The following CUBN variants were observed in gnomAD, a reference collection of about 807,000 sequenced individuals.
CUBN encodes the protein 460 kDa receptor.
In CUBN, 282 loss-of-function variants were observed where a neutral mutation model predicts 405.3. The observed-to-expected ratio is 0.70, with a 90% CI of 0.63 to 0.77. The LOEUF is 0.77. Ranked by LOEUF, CUBN falls within the 30% of genes least tolerant of loss-of-function variation. CUBN has a pLI of 0.00. For synonymous variants in CUBN, 1,684 were observed against 1,617.0 expected (o/e 1.04, Z -0.99); for missense variants, 4,514 against 4,475.2 (o/e 1.01, Z -0.25).
chr10:17,012,265 A>G (rs550014850), intron 28 of CUBN, among the ~76,000 whole-genome samples: 9 of 152,332 alleles, frequency 5.9e-5, no homozygotes, highest in African/African-American at 1.9e-4. Flanking sequence ...AAAGGGGAGA[A>G]GCCATATTGC....
intron 57 of CUBN, among the ~76,000 whole-genome samples, chr10:16,875,454 T>G (rs1400426626): frequency 6.6e-6 from 1 of 152,198 alleles, no homozygotes. Context: ...CCACTTTACA[T>G]CCTCAGAAAT....
Position 17,087,466 on chromosome 10 carries a change from C to CTTTTTTTTTTTTTTT in CUBN, c.1947+697_1947+698insAAAAAAAAAAAAAAA, listed in dbSNP as rs879308596. Among the ~76,000 whole-genome samples, 14 of 79,786 alleles carry CTTTTTTTTTTTTTTT rather than the reference C, an allele frequency of 1.8e-4. 1 individual carries two copies. Among genetic ancestry groups the CTTTTTTTTTTTTTTT allele is most frequent in the South Asian group, 4.4e-4 (1 of 2,268 alleles). 52.3% of individuals were successfully genotyped at this position (79,786 alleles called of 152,430 possible). A position where few individuals can be genotyped will look rare whatever the true frequency, so the allele number is the denominator to read the frequency against. On this transcript the variant is annotated intron_variant, in intron 15 of 66. Coordinates refer to ENST00000377833, the MANE Select transcript of CUBN (RefSeq NM_001081.4). ...GTTCAACACAATCACTATTATTTTT[C>CTTTTTTTTTTTTTTT]TTTTTCTTTTTTTTTTTTTTTTTTT...
chr10:16,952,321 G>A lies in CUBN; in HGVS notation c.4924C>T (p.Pro1642Ser), dbSNP rs1205591222. The A allele has an allele frequency of 1.1e-5, 18 of 1,613,856 alleles. No homozygotes were observed. Among genetic ancestry groups the A allele is most frequent in the Non-Finnish European group, 1.4e-5 (16 of 1,179,920 alleles). The change falls in exon 33 of 67, where the codon CCA becomes TCA. Residue 1642 changes from proline to serine, a missense_variant. Pro to Ser is a moderately conservative substitution (Grantham distance 74). This residue lies in a region of CUBN where 1,613 missense variants were observed against 1,542.8 expected (regional missense o/e 1.05). Coordinates refer to ENST00000377833, the MANE Select transcript of CUBN (RefSeq NM_001081.4). ...ATCCAGCTGCAGTTCTGATTGTTTGGATAATTGGCAGGGAACCGTGGAGAG... is the reference window on the plus strand; with the variant it reads ...ATCCAGCTGCAGTTCTGATTGTTTGAATAATTGGCAGGGAACCGTGGAGAG... ...VSSPRFPANY[P>S]NNQNCSWIIQ... is the part of the protein sequence containing the mutation.
At chr10:16,836,932 C>A (rs768622137) in intron 62 of CUBN, among the ~76,000 whole-genome samples, 1 of 152,152 alleles carries the variant, frequency 6.6e-6, no homozygotes, top group African/African-American at 2.4e-5. Flanking sequence ...GGAGTAAATG[C>A]AGTCGAATGC....
intron 31 of CUBN, among the ~76,000 whole-genome samples, chr10:16,977,682 C>T (rs547817450): frequency 6.6e-6 from 1 of 152,320 alleles, no homozygotes; most frequent in South Asian, 2.1e-4. Context: ...CTTAAGCCAT[C>T]TGAGGATGGC....
rs539755742 is a variant in CUBN at position 17,089,829 on chromosome 10, A to C, written c.1766-1484T>G. ...GTTGCAGTAACATTTGGAATTCCAA[A>C]AGATTGGAAACAAGACTGGGTGTGA... On this transcript the variant is annotated intron_variant, in intron 14 of 66. Transcript: ENST00000377833. 2.6e-5 allele frequency among the ~76,000 whole-genome samples: 4 copies of C among 152,306 alleles called. No individual in the cohort carries two copies. The South Asian group carries it at 8.3e-4, about 32-fold the overall frequency.
At chr10:17,103,376 C>A in intron 12 of CUBN, 139 bp from the exon 13 acceptor site, 1 of 677,948 alleles carries the variant, frequency 1.5e-6, no homozygotes. Flanking sequence ...ATTCCCTCTC[C>A]TCTGTGCCCT....
At chr10:16,967,435 A>C (rs1293252122) in intron 31 of CUBN, among the ~76,000 whole-genome samples, 4 of 152,176 alleles carry the variant, frequency 2.6e-5, no homozygotes, top group African/African-American at 7.2e-5. Flanking sequence ...AGCCAAACCA[A>C]ACCCGTGTCC....
intron 22 of CUBN, among the ~76,000 whole-genome samples, chr10:17,048,567 C>T (rs1234749600): frequency 6.6e-6 from 1 of 151,770 alleles, no homozygotes; most frequent in South Asian, 2.1e-4. Context: ...AACCTCTGCC[C>T]CCCGAGTTCA....
intron 22 of CUBN, among the ~76,000 whole-genome samples, chr10:17,049,748 C>T (rs753511850): frequency 2.0e-5 from 3 of 152,172 alleles, no homozygotes; most frequent in Non-Finnish European, 2.9e-5. Flanking sequence ...TGCCAATACA[C>T]AGTTTAACAT....
At chr10:17,033,270 C>T (rs1256473632) in intron 27 of CUBN, among the ~76,000 whole-genome samples, 3 of 152,208 alleles carry the variant, frequency 2.0e-5, no homozygotes, top group African/African-American at 7.2e-5. Context: ...GTGTGTTATT[C>T]ATCCTCAGGG....
At position 17,109,678 on chromosome 10, in the gene CUBN, C is replaced by T. The variant is rs1346581469; in HGVS notation, c.1073G>A (p.Gly358Glu). ...GCATGAGGCATCTGGGTGGCAGCCT[C>T]CATTACTGACTGAGCAGATGTCTGT... is the stretch of plus-strand genomic sequence containing the variant. Reference protein sequence around the residue: ...TLTDICSVSNGGCHPDASCSS... With the variant: ...TLTDICSVSNEGCHPDASCSS... Residue 358 changes from glycine (G) to glutamate (E), a missense_variant, in exon 10 of 67, where the codon GGA becomes GAA. Physicochemically the swap from Gly to Glu is moderately conservative, Grantham distance 98. Coordinates refer to ENST00000377833, the MANE Select transcript of CUBN (RefSeq NM_001081.4). The T allele has an allele frequency of 5.0e-6, 8 of 1,613,794 alleles. No homozygotes were observed. In the African/African-American group the frequency reaches 1.1e-4, roughly 22 times the overall value.
At chr10:16,927,419 G>A (rs908164868) in intron 41 of CUBN, among the ~76,000 whole-genome samples, 6 of 152,158 alleles carry the variant, frequency 3.9e-5, no homozygotes, top group African/African-American at 1.2e-4. Flanking sequence ...TCCCTTGAGC[G>A]TGAGGAACAC....
In CUBN at chr10:17,117,258, A is replaced by G. The variant is rs1481344385; in HGVS notation, c.594-1661T>C. ...TAATTAGACTCTTGAGGATTATGGAACTTTAAAACAGTTCATACACATATT... is the reference window on the plus strand; with the variant it reads ...TAATTAGACTCTTGAGGATTATGGAGCTTTAAAACAGTTCATACACATATT... On this transcript the variant is annotated intron_variant, in intron 6 of 66. Transcript: ENST00000377833. Among the ~76,000 whole-genome samples, 3 of 152,190 alleles carry G rather than the reference A, an allele frequency of 2.0e-5. No homozygotes were observed. In the East Asian group the frequency reaches 5.8e-4, roughly 29 times the overall value.
intron 27 of CUBN, among the ~76,000 whole-genome samples, chr10:17,028,226 T>TTTATTATTATTATTA (rs57633202): frequency 6.9e-6 from 1 of 144,180 alleles, no homozygotes; most frequent in African/African-American, 2.5e-5. Context: ...ACACTAAACA[T>TTTATTATTATTATTA]TTATTATTAT....
chr10:16,925,838 C>A (rs1440964995), intron 41 of CUBN, 64 bp from the exon 42 acceptor site: 2 of 1,464,318 alleles, frequency 1.4e-6, no homozygotes, highest in East Asian at 4.6e-5. Flanking sequence ...TTTATGCTTT[C>A]TTAGTTTTCT....
chr10:16,848,690 CTTTTTTTTTTT>C (rs10562297), intron 60 of CUBN, among the ~76,000 whole-genome samples: 990 of 53,422 alleles, frequency 0.019, 24 homozygotes, highest in African/African-American at 0.055. Flanking sequence ...CTCTCCCAGC[CTTTTTTTTTTT>C]TTTTTTTTTT....
At chr10:16,877,301 A>T (rs1382441578) in intron 56 of CUBN, among the ~76,000 whole-genome samples, 1 of 152,218 alleles carries the variant, frequency 6.6e-6, no homozygotes, top group Non-Finnish European at 1.5e-5. Flanking sequence ...AACAGGTAGG[A>T]CTTCACAGTA....
intron 12 of CUBN, among the ~76,000 whole-genome samples, chr10:17,103,619 G>A (rs1349779906): frequency 6.6e-6 from 1 of 152,192 alleles, no homozygotes; most frequent in Non-Finnish European, 1.5e-5. Context: ...TTCATAAGTG[G>A]AGACAGTATT....
Sources: allele counts gnomAD v4.1 joint callset (sites outside exome capture counted in the v4.1 genomes callset), GRCh38; gene constraint gnomAD v4.1.1; regional missense constraint gnomAD v4.1.1; transcripts MANE v1.5; gene names NCBI Gene and HGNC (gene_info 2026-07-23, HGNC 2026-07-21).